Variants in RFX3 observed in about 807,000 individuals in gnomAD.
The protein encoded by RFX3 is transcription factor RFX3.
Under a neutral mutation model 98.6 loss-of-function variants are expected in RFX3, and 14 were observed. The observed-to-expected ratio is 0.14, with a 90% CI of 0.09 to 0.22. The LOEUF (loss-of-function observed/expected upper bound fraction) is 0.22, where lower values mean the gene tolerates loss of function less well. RFX3 is among the 10% of genes least tolerant of loss of function. RFX3 has a pLI of 1.00. For missense variants in RFX3, 639 were observed against 926.9 expected (o/e 0.69, Z 4.03); for synonymous variants, 383 against 328.4 (o/e 1.17, Z -1.80).
Position 3,236,276 on chromosome 9 carries a change from A to G in RFX3, c.1969-7387T>C, listed in dbSNP as rs1188082242. On this transcript the variant is annotated intron_variant, in intron 15 of 16. Transcript: ENST00000617270. ...AAGGCCTAGGCTGTTGACACCATACATGCATCTAAAAAGTCTATGAGGTTC... is the reference window on the plus strand; with the variant it reads ...AAGGCCTAGGCTGTTGACACCATACGTGCATCTAAAAAGTCTATGAGGTTC... 2.6e-5 allele frequency among the ~76,000 whole-genome samples: 4 copies of G among 152,202 alleles called. No homozygotes were observed. The East Asian group carries it at 7.7e-4, about 29-fold the overall frequency.
At chr9:3,255,886 C>A (rs1180661731) in intron 14 of RFX3, among the ~76,000 whole-genome samples, 1 of 152,012 alleles carries the variant, frequency 6.6e-6, no homozygotes, top group Non-Finnish European at 1.5e-5. Context: ...TTACTGTCTA[C>A]GAGATTACTG....
intron 11 of RFX3, among the ~76,000 whole-genome samples, chr9:3,269,181 C>A (rs993869512): frequency 3.3e-5 from 5 of 151,322 alleles, no homozygotes; most frequent in Non-Finnish European, 7.4e-5. Context: ...TTTTTTTTTA[C>A]TTATTCCTAT....
intron 1 of RFX3, among the ~76,000 whole-genome samples, chr9:3,449,354 C>A (rs1274640177): frequency 6.6e-6 from 1 of 152,206 alleles, no homozygotes; most frequent in Non-Finnish European, 1.5e-5. Context: ...GCTCTTGGAG[C>A]TTCTCTGCCT....
rs1331036049 is a variant in RFX3 at position 3,525,844 on chromosome 9, T to C, written c.-106A>G. Reference sequence around the variant, plus strand: ...AGGAGGAGGAGGAGGAGAGGAGTAGTTGTTGTTGATGGGTAACAGTCGCCA... The same window carrying C: ...AGGAGGAGGAGGAGGAGAGGAGTAGCTGTTGTTGATGGGTAACAGTCGCCA... On this transcript the variant is annotated 5_prime_UTR_variant, in exon 1 of 17. Coordinates refer to ENST00000617270, the MANE Select transcript of RFX3 (RefSeq NM_001282116.2). 16 of 982,532 alleles carry C rather than the reference T, an allele frequency of 1.6e-5. No individual in the cohort carries two copies. Among genetic ancestry groups the C allele is most frequent in the Non-Finnish European group, 1.9e-5 (16 of 826,978 alleles). 60.9% of individuals were successfully genotyped at this position (982,532 alleles called of 1,614,324 possible). A position where few individuals can be genotyped will look rare whatever the true frequency, so the allele number is the denominator to read the frequency against.
At chr9:3,495,152 T>C (rs1587856363) in intron 1 of RFX3, among the ~76,000 whole-genome samples, 2 of 151,222 alleles carry the variant, frequency 1.3e-5, no homozygotes, top group East Asian at 1.9e-4. Context: ...TATTCAACCA[T>C]TCAAAGTGCT....
chr9:3,354,904 A>G (rs1250038258), intron 2 of RFX3, among the ~76,000 whole-genome samples: 1 of 151,904 alleles, frequency 6.6e-6, no homozygotes, highest in Non-Finnish European at 1.5e-5. Context: ...AGCAAAAATA[A>G]TAACAATGCC....
intron 9 of RFX3, among the ~76,000 whole-genome samples, chr9:3,273,126 T>A (rs1245634716): frequency 6.6e-6 from 1 of 152,170 alleles, no homozygotes; most frequent in East Asian, 1.9e-4. Context: ...TAGGCAAATA[T>A]AAATTAAAAT....
intron 14 of RFX3, among the ~76,000 whole-genome samples, chr9:3,249,063 T>C (rs969546764): frequency 3.9e-5 from 6 of 152,110 alleles, no homozygotes; most frequent in African/African-American, 1.2e-4. Flanking sequence ...TGTGTGTTTC[T>C]TATCACTTTC....
At chr9:3,469,199 C>A (rs1320579457) in intron 1 of RFX3, 1 of 455,112 alleles carries the variant, frequency 2.2e-6, no homozygotes, top group Non-Finnish European at 4.4e-6. Flanking sequence ...TGAACTGCTG[C>A]AAAAAGACAG....
rs1272473698 is a variant in RFX3 at position 3,424,616 on chromosome 9, T to C, written c.-8-29020A>G. ...ACCTCGTGCTCCGCCCGCCTCGGCC[T>C]CCCAAAGTGCTGGGATTACAGGCGT... On this transcript the variant is annotated intron_variant, in intron 1 of 16. Transcript: ENST00000617270. Among the ~76,000 whole-genome samples, 14 of 152,110 alleles carry C rather than the reference T, an allele frequency of 9.2e-5. No homozygotes were observed. In the East Asian group the frequency reaches 2.7e-3, roughly 30 times the overall value.
chr9:3,333,905 T>C (rs1832869827), intron 3 of RFX3, among the ~76,000 whole-genome samples: 1 of 152,158 alleles, frequency 6.6e-6, no homozygotes, highest in South Asian at 2.1e-4. Context: ...TTCTATGTGC[T>C]TTTTAGGCAT....
intron 1 of RFX3, among the ~76,000 whole-genome samples, chr9:3,491,933 G>C (rs372048113): frequency 2.6e-5 from 4 of 152,150 alleles, no homozygotes; most frequent in African/African-American, 9.7e-5. Context: ...AGATGACCAT[G>C]CTAATCGATG....
chr9:3,343,258 A>G (rs2131101273), intron 3 of RFX3, among the ~76,000 whole-genome samples: 1 of 152,306 alleles, frequency 6.6e-6, no homozygotes, highest in East Asian at 1.9e-4. Context: ...CACAGGTTGT[A>G]GGGCCATGTA....
At chr9:3,525,293 G>T (rs1254899377) in intron 1 of RFX3, among the ~76,000 whole-genome samples, 1 of 152,062 alleles carries the variant, frequency 6.6e-6, no homozygotes, top group African/African-American at 2.4e-5. Context: ...TGTCTATTTC[G>T]GCTTTGAAAG....
At chr9:3,516,250 G>A (rs1318623845) in intron 1 of RFX3, among the ~76,000 whole-genome samples, 1 of 151,944 alleles carries the variant, frequency 6.6e-6, no homozygotes, top group Non-Finnish European at 1.5e-5. Context: ...GGGTTTCATC[G>A]TGTTAGCCAG....
At chr9:3,234,966 T>C (rs1417186299) in intron 15 of RFX3, among the ~76,000 whole-genome samples, 1 of 152,228 alleles carries the variant, frequency 6.6e-6, no homozygotes, top group African/African-American at 2.4e-5. Context: ...AGTCAGCTTT[T>C]AAAGACAGAA....
At position 3,494,188 on chromosome 9, in the gene RFX3, G is replaced by A. The variant is rs532209565; in HGVS notation, c.-9+31559C>T. Among the ~76,000 whole-genome samples, 8 of 152,254 alleles carry A rather than the reference G, an allele frequency of 5.3e-5. 1 individual carries two copies. In the East Asian group the frequency reaches 9.6e-4, roughly 18 times the overall value. On this transcript the variant is annotated intron_variant, in intron 1 of 16. Transcript: ENST00000617270. The stretch of plus-strand genomic sequence containing the variant: ...CTGGTAAAGTGGCTCTAGAGACAGA[G>A]TACCTGGCTGAAAATTCTGCCTCAA...
At chr9:3,254,134 A>T (rs1821789168) in intron 14 of RFX3, among the ~76,000 whole-genome samples, 1 of 152,266 alleles carries the variant, frequency 6.6e-6, no homozygotes, top group Middle Eastern at 3.4e-3. Flanking sequence ...GCAAGTGATG[A>T]TCTACTGGGT....
chr9:3,303,985 C>T (rs370144155), intron 4 of RFX3, among the ~76,000 whole-genome samples: 1 of 151,820 alleles, frequency 6.6e-6, no homozygotes, highest in East Asian at 1.9e-4. Flanking sequence ...TTGTGTAGCC[C>T]GGGGAATGGA....
Sources: allele counts gnomAD v4.1 joint callset (sites outside exome capture counted in the v4.1 genomes callset), GRCh38; gene constraint gnomAD v4.1.1; transcripts MANE v1.5; gene names NCBI Gene and HGNC (gene_info 2026-07-23, HGNC 2026-07-21).